The following CMSS1 variants were observed in gnomAD, a reference collection of about 807,000 sequenced individuals.
CMSS1 encodes the protein cms1 ribosomal small subunit homolog, also known as protein CMSS1.
A neutral mutation model predicts 43.5 loss-of-function variants in CMSS1; 33 were observed. That is an observed-to-expected ratio of 0.76 (90% confidence interval 0.57 to 1.01). The LOEUF is 1.01. CMSS1 is among the 50% of genes least tolerant of loss of function. The pLI is 0.00. For synonymous variants in CMSS1, 115 were observed against 117.2 expected, an observed-to-expected ratio of 0.98 and a Z score of 0.12; for missense variants, 313 against 326.4, an observed-to-expected ratio of 0.96 and a Z score of 0.32.
intron 1 of CMSS1, among the ~76,000 whole-genome samples, chr3:99,838,937 A>G (rs1046712105): frequency 2.6e-5 from 4 of 152,144 alleles, no homozygotes; most frequent in Non-Finnish European, 5.9e-5. Context: ...TTCACAATCA[A>G]CAGGTCTTTG....
chr3:100,154,293 A>G (rs1011645244), intron 2 of CMSS1, among the ~76,000 whole-genome samples: 1 of 152,098 alleles, frequency 6.6e-6, no homozygotes, highest in Non-Finnish European at 1.5e-5. Flanking sequence ...TGGGGTACAT[A>G]GTGATGTTTG....
chr3:100,037,957 G>GGT lies in CMSS1; in HGVS notation c.65-109015_65-109014insTG, dbSNP rs2065137134. On this transcript the variant is annotated intron_variant, in intron 1 of 9. Coordinates refer to ENST00000421999, the MANE Select transcript of CMSS1 (RefSeq NM_032359.4). The stretch of plus-strand genomic sequence containing the variant: ...CGCTTTTCTTTTTTTTTTTTTTTTT[G>GGT]GGGGGGGAGGGAACAGAGTCTCAAA... Among the ~76,000 whole-genome samples the GGT allele has an allele frequency of 3.8e-4, 4 of 10,646 alleles. No homozygotes were observed. In the Admixed American group the frequency reaches 4.1e-3, roughly 11 times the overall value. The allele number at this position is 10,646 out of a possible 152,430, so 7.0% of individuals were successfully genotyped here. A position where few individuals can be genotyped will look rare whatever the true frequency, so the allele number is the denominator to read the frequency against.
chr3:100,021,932 T>C (rs2064825604), intron 1 of CMSS1, among the ~76,000 whole-genome samples: 1 of 121,842 alleles, frequency 8.2e-6, no homozygotes, highest in South Asian at 3.1e-4. Flanking sequence ...TGTGTGTGTG[T>C]GTGTGTGTGT....
intron 1 of CMSS1, among the ~76,000 whole-genome samples, chr3:100,014,585 G>T (rs1432098176): frequency 6.6e-6 from 1 of 152,044 alleles, no homozygotes; most frequent in Non-Finnish European, 1.5e-5. Flanking sequence ...TTTCCCTGAT[G>T]TCTAGTGATG....
intron 1 of CMSS1, among the ~76,000 whole-genome samples, chr3:100,005,058 C>T (rs140281833): frequency 6.0e-4 from 92 of 152,212 alleles, no homozygotes; most frequent in Admixed American, 1.9e-3. Context: ...TGCAGCAGGA[C>T]GTAACCAGAA....
At chr3:100,083,995 C>T (rs1329602518) in intron 1 of CMSS1, among the ~76,000 whole-genome samples, 1 of 152,120 alleles carries the variant, frequency 6.6e-6, no homozygotes, top group Admixed American at 6.6e-5. Flanking sequence ...AAGAATATTT[C>T]TCCGTTATAG....
intron 1 of CMSS1, among the ~76,000 whole-genome samples, chr3:99,864,916 A>C (rs549975929): frequency 3.3e-5 from 5 of 152,300 alleles, no homozygotes; most frequent in African/African-American, 9.6e-5. Context: ...GTATGTGCGC[A>C]CACACGCATC....
chr3:100,159,566 T>A (rs1420682982), intron 2 of CMSS1, among the ~76,000 whole-genome samples: 6 of 152,372 alleles, frequency 3.9e-5, no homozygotes, highest in African/African-American at 1.2e-4. Context: ...AAACTCAGAA[T>A]AAGTTTTCAC....
chr3:99,844,119 C>T (rs1374350134), intron 1 of CMSS1, among the ~76,000 whole-genome samples: 1 of 152,114 alleles, frequency 6.6e-6, no homozygotes, highest in Non-Finnish European at 1.5e-5. Context: ...CTGTGGCTCA[C>T]TGCCACTACC....
At chr3:99,961,832 T>C (rs567178282) in intron 1 of CMSS1, among the ~76,000 whole-genome samples, 10 of 152,310 alleles carry the variant, frequency 6.6e-5, no homozygotes, top group African/African-American at 2.4e-4. Flanking sequence ...TATTTTCTTA[T>C]GTCATAGTTC....
At chr3:100,054,334 C>G (rs775618957) in intron 1 of CMSS1, among the ~76,000 whole-genome samples, 5 of 152,154 alleles carry the variant, frequency 3.3e-5, no homozygotes, top group Non-Finnish European at 7.4e-5. Context: ...ATTGAGATAT[C>G]TGGCTTTTCT....
At chr3:99,946,853 G>C (rs1313934381) in intron 1 of CMSS1, among the ~76,000 whole-genome samples, 1 of 152,076 alleles carries the variant, frequency 6.6e-6, no homozygotes, top group Non-Finnish European at 1.5e-5. Context: ...TTGCCAATAG[G>C]CACTGTCTCC....
At chr3:100,034,888 A>C (rs1007222467) in intron 1 of CMSS1, among the ~76,000 whole-genome samples, 2 of 152,168 alleles carry the variant, frequency 1.3e-5, no homozygotes, top group Admixed American at 1.3e-4. Context: ...TCTCAGTAGA[A>C]TATCTCAATC....
At chr3:100,064,959 A>G (rs1337717499) in intron 1 of CMSS1, among the ~76,000 whole-genome samples, 1 of 152,240 alleles carries the variant, frequency 6.6e-6, no homozygotes, top group Non-Finnish European at 1.5e-5. Context: ...CTACTAACAT[A>G]TGTTAAACAC....
intron 1 of CMSS1, among the ~76,000 whole-genome samples, chr3:100,126,385 C>T (rs1198082670): frequency 6.6e-6 from 1 of 152,168 alleles, no homozygotes; most frequent in African/African-American, 2.4e-5. Flanking sequence ...AATAGTTGTA[C>T]TTCTCTTGAG....
intron 1 of CMSS1, chr3:99,830,099 T>TGA (rs1247499761): frequency 6.4e-6 from 1 of 156,960 alleles, no homozygotes; most frequent in Non-Finnish European, 1.4e-5. Context: ...AGAAAACTCT[T>TGA]GAACTGTTCT....
intron 1 of CMSS1, among the ~76,000 whole-genome samples, chr3:99,851,537 G>T (rs541593229): frequency 3.9e-4 from 60 of 152,150 alleles, no homozygotes; most frequent in Non-Finnish European, 7.5e-4. Context: ...ATTTACTTCA[G>T]GGGCTTTTTA....
At chr3:99,929,726 G>C in intron 1 of CMSS1, 1 of 600,512 alleles carries the variant, frequency 1.7e-6, no homozygotes, top group East Asian at 3.1e-5. Context: ...GTATTTATCT[G>C]TTTTGTGTAG....
chr3:100,121,455 G>A (rs1189873179), intron 1 of CMSS1, among the ~76,000 whole-genome samples: 2 of 152,078 alleles, frequency 1.3e-5, no homozygotes, highest in East Asian at 3.9e-4. Flanking sequence ...ATTCCATGGT[G>A]TATATTTGCC....
Sources: allele counts gnomAD v4.1 joint callset (sites outside exome capture counted in the v4.1 genomes callset), GRCh38; gene constraint gnomAD v4.1.1; transcripts MANE v1.5; gene names NCBI Gene and HGNC (gene_info 2026-07-23, HGNC 2026-07-21).